NFAT5: variants seen among roughly 807,000 people sequenced by gnomAD.
NFAT5 encodes nuclear factor of activated T-cells 5.
NFAT5 carries 31 observed loss-of-function variants against 166.5 expected under a neutral mutation model. That is an observed-to-expected ratio of 0.19 (90% confidence interval 0.14 to 0.25). The LOEUF (loss-of-function observed/expected upper bound fraction) is 0.25, where lower values mean the gene tolerates loss of function less well. Among genes scored for constraint, NFAT5 ranks in the 10% least tolerant of loss-of-function variants. The probability of loss-of-function intolerance (pLI) is 1.00; values close to 1 mark genes in which losing one functional copy is unlikely to be tolerated. For synonymous variants in NFAT5, 612 were observed against 639.7 expected, an observed-to-expected ratio of 0.96 and a Z score of 0.65; for missense variants, 1,449 against 1,821.8, an observed-to-expected ratio of 0.80 and a Z score of 3.72.
intron 2 of NFAT5, among the ~76,000 whole-genome samples, chr16:69,623,087 G>T (rs2034277404): frequency 6.6e-6 from 1 of 152,132 alleles, no homozygotes; most frequent in African/African-American, 2.4e-5. Flanking sequence ...GGAGGTTGTG[G>T]TGAGCCAAGA....
chr16:69,658,133 G>A (rs958093548), intron 6 of NFAT5, among the ~76,000 whole-genome samples: 1 of 151,118 alleles, frequency 6.6e-6, no homozygotes, highest in African/African-American at 2.4e-5. Flanking sequence ...ACATATAGTA[G>A]AGGAGGAAAG....
At position 69,566,711 on chromosome 16, in the gene NFAT5, C is replaced by T. The variant is rs548729725; in HGVS notation, c.73+337C>T. ...GCCGCCGGCCCCGGCCTCCCGGGCT[C>T]GGGGATGGCCCCAGACTGGGCCCCG... is the stretch of plus-strand genomic sequence containing the variant. On this transcript the variant is annotated intron_variant, in intron 1 of 14. Coordinates refer to ENST00000349945, the MANE Select transcript of NFAT5 (RefSeq NM_138713.4). The surrounding 1 kb of genome is among the most constrained non-coding windows in gnomAD (Gnocchi z 5.7). Among the ~76,000 whole-genome samples the T allele has an allele frequency of 5.9e-5, 9 of 152,190 alleles. No homozygotes were observed. The South Asian group carries it at 1.9e-3, about 32-fold the overall frequency.
intron 2 of NFAT5, among the ~76,000 whole-genome samples, chr16:69,593,733 A>G (rs2032620487): frequency 6.6e-6 from 1 of 152,216 alleles, no homozygotes. Context: ...GAAGGAGGAA[A>G]TATGGTAAAT....
At position 69,692,666 on chromosome 16, in the gene NFAT5, G is replaced by A. The variant is rs763536891; in HGVS notation, c.2841G>A (p.Ser947=). ...CAGCAAATGGAAACCTTCAGCAATC[G>A]CCAGTTTACCAGCAGACTTCTCACA... ...TASANGNLQQ[S]PVYQQTSHMM... Residue 947 remains serine, a synonymous_variant, in exon 13 of 15, where the codon TCG becomes TCA. Coordinates refer to ENST00000349945, the MANE Select transcript of NFAT5 (RefSeq NM_138713.4). 3.5e-5 allele frequency: 56 copies of A among 1,614,172 alleles called. No homozygotes were observed. Among genetic ancestry groups the A allele is most frequent in the Non-Finnish European group, 4.7e-5 (55 of 1,180,032 alleles).
chr16:69,676,688 A>G (rs1199760537), intron 9 of NFAT5, among the ~76,000 whole-genome samples: 4 of 152,174 alleles, frequency 2.6e-5, no homozygotes, highest in African/African-American at 4.8e-5. Flanking sequence ...AGGGGTGAGG[A>G]TAAGTGCTGT....
intron 2 of NFAT5, among the ~76,000 whole-genome samples, chr16:69,618,364 T>C (rs1354358825): frequency 6.6e-6 from 1 of 152,144 alleles, no homozygotes; most frequent in African/African-American, 2.4e-5. Flanking sequence ...AACTTAGAAA[T>C]TGAGAAAAAT....
chr16:69,693,978 T>C lies in NFAT5; in HGVS notation c.4153T>C (p.Ser1385Pro), dbSNP rs2037666472. Reference protein sequence around the residue: ...QIQLVQGSPSSQEQQVTLFLS... With the variant: ...QIQLVQGSPSPQEQQVTLFLS... ...TCAGTTGGTACAAGGGTCACCTAGT[T>C]CTCAAGAGCAGCAAGTAACTCTCTT... Residue 1385 changes from serine to proline, a missense_variant, in exon 13 of 15, where the codon TCT becomes CCT. By Grantham distance (74) the Ser-to-Pro change is moderately conservative (BLOSUM62 -1). Transcript: ENST00000349945. 1.9e-6 allele frequency: 3 copies of C among 1,614,062 alleles called. No individual in the cohort carries two copies. Among genetic ancestry groups the C allele is most frequent in the Non-Finnish European group, 2.5e-6 (3 of 1,180,032 alleles).
rs1219653973 is a variant in NFAT5, at chr16:69,692,069, T to G, written c.2244T>G (p.Asn748Lys). 1.2e-6 allele frequency: 2 copies of G among 1,614,152 alleles called. No individual in the cohort carries two copies. Among genetic ancestry groups the G allele is most frequent in the South Asian group, 2.2e-5 (2 of 91,090 alleles). ...EILQSDGTVVNLSQLTEASQQ... is the reference protein window; with the variant it reads ...EILQSDGTVVKLSQLTEASQQ... The stretch of plus-strand genomic sequence containing the variant: ...TACAGTCAGATGGTACAGTGGTTAA[T>G]TTGTCACAACTGACTGAGGCATCAC... The change falls in exon 13 of 15, where the codon AAT (asparagine) becomes AAG (lysine). Residue 748 changes from asparagine to lysine, a missense_variant. Physicochemically the swap from Asn to Lys is moderately conservative, Grantham distance 94. Transcript: ENST00000349945.
intron 2 of NFAT5, among the ~76,000 whole-genome samples, chr16:69,572,156 C>G (rs1040778751): frequency 1.3e-5 from 2 of 152,160 alleles, no homozygotes; most frequent in Non-Finnish European, 2.9e-5. Flanking sequence ...CAGTGCTAGT[C>G]TTTCTTGCAA....
chr16:69,569,929 C>T (rs2016335139), intron 2 of NFAT5, among the ~76,000 whole-genome samples: 1 of 152,118 alleles, frequency 6.6e-6, no homozygotes, highest in Non-Finnish European at 1.5e-5. Flanking sequence ...GGTTTTTATT[C>T]ATATTCAATT....
chr16:69,667,050 C>T lies in NFAT5; in HGVS notation c.1370-2927C>T, dbSNP rs1331054198. ...ACATGGATGAAACTGGAAATCATCA[C>T]TCTCAGTAAACTATCGCAAGAACAA... On this transcript the variant is annotated intron_variant, in intron 7 of 14. Coordinates refer to ENST00000349945, the MANE Select transcript of NFAT5 (RefSeq NM_138713.4). 7.3e-5 allele frequency among the ~76,000 whole-genome samples: 11 copies of T among 151,586 alleles called. No individual in the cohort carries two copies. The East Asian group carries it at 2.1e-3, about 30-fold the overall frequency.
At chr16:69,663,699 A>C (rs998762641) in intron 7 of NFAT5, among the ~76,000 whole-genome samples, 1 of 151,942 alleles carries the variant, frequency 6.6e-6, no homozygotes, top group Admixed American at 6.6e-5. Flanking sequence ...GCAAGAGTCC[A>C]TCTCCACACA....
chr16:69,579,618 A>G (rs1006317370), intron 2 of NFAT5, among the ~76,000 whole-genome samples: 4 of 152,212 alleles, frequency 2.6e-5, no homozygotes, highest in Non-Finnish European at 1.5e-5. Context: ...TTTTTAACCA[A>G]ACTTCACAAG....
intron 3 of NFAT5, 57 bp downstream of exon 3, chr16:69,626,585 A>AC (rs1326610040): frequency 7.1e-7 from 1 of 1,401,308 alleles, no homozygotes; most frequent in African/African-American, 1.5e-5. Flanking sequence ...AATCTGGCCA[A>AC]CATGAACAGT....
chr16:69,615,656 A>G (rs1254935848), intron 2 of NFAT5, among the ~76,000 whole-genome samples: 1 of 152,206 alleles, frequency 6.6e-6, no homozygotes, highest in African/African-American at 2.4e-5. Flanking sequence ...TTGCAATGCA[A>G]TACCGTAGGG....
chr16:69,601,103 A>G (rs1567531686), intron 2 of NFAT5, among the ~76,000 whole-genome samples: 1 of 152,088 alleles, frequency 6.6e-6, no homozygotes. Flanking sequence ...ACACACACAT[A>G]CACACACACC....
At chr16:69,585,026 T>G (rs1024682944) in intron 2 of NFAT5, among the ~76,000 whole-genome samples, 49 of 151,790 alleles carry the variant, frequency 3.2e-4, no homozygotes, top group African/African-American at 9.0e-4. Context: ...TGAGGTGGAG[T>G]CTCGCTCTGT....
At chr16:69,584,193 T>C (rs544793143) in intron 2 of NFAT5, among the ~76,000 whole-genome samples, 1 of 152,208 alleles carries the variant, frequency 6.6e-6, no homozygotes, top group African/African-American at 2.4e-5. Context: ...GCCACTGCAC[T>C]CCAGCCTGGG....
In NFAT5 at chr16:69,644,243, C is replaced by T. The variant is rs373683969; in HGVS notation, c.254-2785C>T. 1.4e-4 allele frequency among the ~76,000 whole-genome samples: 22 copies of T among 152,020 alleles called. 1 individual carries two copies. Among genetic ancestry groups the T allele is most frequent in the East Asian group, 7.7e-4 (4 of 5,176 alleles). On this transcript the variant is annotated intron_variant, in intron 3 of 14. Transcript: ENST00000349945. Reference sequence around the variant, plus strand: ...AAGGCTGCAGTGAGCCATGATCGTGCCACTGCACTGTAGCCTGGGCAACAG... The same window carrying T: ...AAGGCTGCAGTGAGCCATGATCGTGTCACTGCACTGTAGCCTGGGCAACAG...
Sources: allele counts gnomAD v4.1 joint callset (sites outside exome capture counted in the v4.1 genomes callset), GRCh38; gene constraint gnomAD v4.1.1; non-coding constraint Gnocchi (gnomAD v3.1); transcripts MANE v1.5; gene names NCBI Gene and HGNC (gene_info 2026-07-23, HGNC 2026-07-21).